RARB: variants seen among roughly 807,000 people sequenced by gnomAD.
RARB encodes the protein HBV-activated protein.
A neutral mutation model predicts 51.9 loss-of-function variants in RARB; 17 were observed. The ratio of observed to expected loss-of-function variants is 0.33; its 90% CI spans 0.22 to 0.49. The LOEUF is 0.49. Ranked by LOEUF, RARB falls within the 20% of genes least tolerant of loss-of-function variation. The pLI, the probability that RARB is intolerant of heterozygous loss-of-function variation, is 0.99. For synonymous variants in RARB, 215 were observed against 195.4 expected, an observed-to-expected ratio of 1.10 and a Z score of -0.84; for missense variants, 369 against 550.8, an observed-to-expected ratio of 0.67 and a Z score of 3.30.
chr3:24,835,449 T>C (rs962476461), intron 1 of RARB, among the ~76,000 whole-genome samples: 4 of 152,056 alleles, frequency 2.6e-5, no homozygotes, highest in African/African-American at 9.7e-5. Flanking sequence ...AAAATTAGAG[T>C]AATGGCTTTT....
intron 2 of RARB, among the ~76,000 whole-genome samples, chr3:24,988,987 G>A (rs1244826986): frequency 3.3e-5 from 5 of 151,990 alleles, no homozygotes; most frequent in Non-Finnish European, 7.4e-5. Context: ...CACCAAGCCC[G>A]GCTAATTTTT....
At chr3:25,417,267 T>C (rs988923155) in intron 5 of RARB, among the ~76,000 whole-genome samples, 5 of 151,078 alleles carry the variant, frequency 3.3e-5, no homozygotes, top group African/African-American at 1.2e-4. Context: ...AGCTGTTCCC[T>C]AATTTCCTAA....
At chr3:25,273,702 A>T (rs920607796) in intron 5 of RARB, among the ~76,000 whole-genome samples, 1 of 152,236 alleles carries the variant, frequency 6.6e-6, no homozygotes, top group Non-Finnish European at 1.5e-5. Flanking sequence ...ATGGTTTCAT[A>T]TTGCCCATGA....
chr3:25,275,965 T>C (rs200982156), intron 5 of RARB, among the ~76,000 whole-genome samples: 1 of 152,208 alleles, frequency 6.6e-6, no homozygotes, highest in East Asian at 1.9e-4. Flanking sequence ...GAAATTATCT[T>C]AGAATGAGCA....
chr3:25,366,302 T>C (rs1706118374), intron 5 of RARB, among the ~76,000 whole-genome samples: 1 of 152,232 alleles, frequency 6.6e-6, no homozygotes, highest in Non-Finnish European at 1.5e-5. Flanking sequence ...CAACTGATTA[T>C]TTCCCAGTCC....
chr3:25,333,662 C>A (rs1001443586), intron 5 of RARB, among the ~76,000 whole-genome samples: 2 of 152,064 alleles, frequency 1.3e-5, no homozygotes, highest in African/African-American at 2.4e-5. Context: ...GCAACAAAAG[C>A]CAAAATTGAC....
At chr3:25,286,900 A>G (rs1383811082) in intron 5 of RARB, among the ~76,000 whole-genome samples, 2 of 152,208 alleles carry the variant, frequency 1.3e-5, no homozygotes, top group Non-Finnish European at 2.9e-5. Flanking sequence ...TTACTTCAAG[A>G]TATCTATTTT....
upstream of RARB, among the ~76,000 whole-genome samples, chr3:25,424,076 C>T (rs1043344997): frequency 6.6e-6 from 1 of 152,166 alleles, no homozygotes; most frequent in Non-Finnish European, 1.5e-5. Context: ...AGTAGGAAGA[C>T]TTTGTGGAGG....
In RARB at chr3:24,893,150, C is replaced by T. The variant is rs564373994; in HGVS notation, c.-380+34398C>T. Among the ~76,000 whole-genome samples, 31 of 152,256 alleles carry T rather than the reference C, an allele frequency of 2.0e-4. 1 individual carries two copies. In the South Asian group the frequency reaches 5.2e-3, roughly 25 times the overall value. On this transcript the variant is annotated intron_variant, in intron 2 of 11. Coordinates refer to the RARB transcript ENST00000383772. ...GGACACCTGCTAATTGACAATTTTA[C>T]GATGGTTTCCCATCAATAGAATGGA...
chr3:25,594,309 A>G (rs1701726783), intron 6 of RARB, among the ~76,000 whole-genome samples: 1 of 152,148 alleles, frequency 6.6e-6, no homozygotes, highest in African/African-American at 2.4e-5. Context: ...AAAAGCAACC[A>G]GGCATCAAAA....
intron 2 of RARB, among the ~76,000 whole-genome samples, chr3:24,885,933 C>T (rs920955615): frequency 3.3e-5 from 5 of 152,088 alleles, no homozygotes; most frequent in African/African-American, 7.2e-5. Flanking sequence ...CTGTTATATG[C>T]CACCTACTCA....
rs149819444 is a variant in RARB, at chr3:25,457,488, C to T, written c.158-3705C>T. 2.9e-4 allele frequency among the ~76,000 whole-genome samples: 44 copies of T among 152,252 alleles called. 2 individuals carry two copies. The East Asian group carries it at 6.4e-3, about 22-fold the overall frequency. On this transcript the variant is annotated intron_variant, in intron 1 of 7. Transcript: ENST00000330688. ...TTGATTACTTACAATAGAACATTTT[C>T]GTTCATGGCAACTGTTCAGGAAAAG...
At chr3:25,540,221 G>T (rs566054506) in intron 3 of RARB, among the ~76,000 whole-genome samples, 3 of 152,134 alleles carry the variant, frequency 2.0e-5, no homozygotes, top group Non-Finnish European at 4.4e-5. Context: ...TCCAGCCAGC[G>T]AGACCATGGA....
At chr3:24,934,661 A>G (rs982711159) in intron 2 of RARB, among the ~76,000 whole-genome samples, 2 of 152,144 alleles carry the variant, frequency 1.3e-5, no homozygotes, top group Non-Finnish European at 2.9e-5. Flanking sequence ...TATTCAAAAT[A>G]TGAATATTTT....
intron 2 of RARB, among the ~76,000 whole-genome samples, chr3:24,892,754 T>C (rs1444078085): frequency 6.6e-6 from 1 of 152,232 alleles, no homozygotes; most frequent in Non-Finnish European, 1.5e-5. Context: ...CCAGCATGTA[T>C]GTATGTGTAA....
intron 3 of RARB, among the ~76,000 whole-genome samples, chr3:25,104,512 T>C (rs961179768): frequency 6.6e-6 from 1 of 152,066 alleles, no homozygotes; most frequent in African/African-American, 2.4e-5. Flanking sequence ...GGCATAGCAG[T>C]GCATATCTAT....
chr3:24,968,625 G>C (rs940756280), intron 2 of RARB, among the ~76,000 whole-genome samples: 1 of 152,056 alleles, frequency 6.6e-6, no homozygotes, highest in South Asian at 2.1e-4. Flanking sequence ...GGTGGCTATG[G>C]TATTATGGGT....
chr3:25,026,135 A>C (rs1697743655), intron 2 of RARB, among the ~76,000 whole-genome samples: 1 of 152,140 alleles, frequency 6.6e-6, no homozygotes, highest in Non-Finnish European at 1.5e-5. Context: ...GCCTTCTTAG[A>C]TACCTGCACT....
At chr3:25,105,632 A>G (rs1699485205) in intron 3 of RARB, among the ~76,000 whole-genome samples, 1 of 152,100 alleles carries the variant, frequency 6.6e-6, no homozygotes, top group African/African-American at 2.4e-5. Flanking sequence ...CACTCTCTTG[A>G]CATTTCCTTG....
Sources: gnomAD v4.1 joint callset for allele counts (sites outside exome capture counted in the v4.1 genomes callset) on GRCh38, gnomAD v4.1.1 for gene constraint, MANE v1.5 for transcripts, NCBI Gene and HGNC (gene_info 2026-07-23, HGNC 2026-07-21) for gene names.